DCC: variants seen among roughly 807,000 people sequenced by gnomAD.
DCC encodes netrin receptor DCC.
DCC carries 58 observed loss-of-function variants against 172.5 expected under a neutral mutation model. The ratio of observed to expected loss-of-function variants is 0.34; its 90% CI spans 0.27 to 0.42. DCC has a LOEUF of 0.42. DCC is among the 10% of genes least tolerant of loss of function. The probability of loss-of-function intolerance (pLI) is 1.00; values close to 1 mark genes in which losing one functional copy is unlikely to be tolerated. For synonymous variants in DCC, 709 were observed against 644.5 expected, an observed-to-expected ratio of 1.10 and a Z score of -1.52; for missense variants, 1,740 against 1,791.0, an observed-to-expected ratio of 0.97 and a Z score of 0.51.
At chr18:52,448,209 C>T (rs953784696) in intron 1 of DCC, among the ~76,000 whole-genome samples, 5 of 152,110 alleles carry the variant, frequency 3.3e-5, no homozygotes, top group African/African-American at 7.2e-5. Context: ...TTCGAGGGAT[C>T]GACATTGTGT....
At chr18:52,933,584 A>G (rs543936303) in intron 5 of DCC, among the ~76,000 whole-genome samples, 1 of 152,222 alleles carries the variant, frequency 6.6e-6, no homozygotes, top group Admixed American at 6.6e-5. Context: ...GGGAGAATCC[A>G]TATAGGTCTT....
chr18:52,833,020 C>T (rs149848816), intron 2 of DCC, among the ~76,000 whole-genome samples: 1,593 of 152,176 alleles, frequency 0.01, 18 homozygotes, highest in Non-Finnish European at 0.016. Flanking sequence ...TATATAACCT[C>T]TTGTTTAATA....
rs1191533869 is a variant in DCC, at chr18:53,486,813, C to T, written c.3753C>T (p.Ile1251=). 10 of 1,614,124 alleles carry T rather than the reference C, an allele frequency of 6.2e-6. No homozygotes were observed. The highest frequency in any genetic ancestry group is 8.5e-6 in the Non-Finnish European group (10 of 1,180,026). ...QSNNPAVVSA[I]PVPTLESAQY... The stretch of plus-strand genomic sequence containing the variant: ...CTTTTGCAGCTGTCGTGAGCGCCAT[C>T]CCGGTGCCAACGCTAGAAAGTGCCC... The change falls in exon 26 of 29, where the codon ATC becomes ATT. Residue 1251 remains isoleucine, a synonymous_variant. Coordinates refer to ENST00000442544, the MANE Select transcript of DCC (RefSeq NM_005215.4).
chr18:52,904,664 C>T lies in DCC; in HGVS notation c.413-1380C>T, dbSNP rs1034240392. Among the ~76,000 whole-genome samples, 7 of 152,100 alleles carry T rather than the reference C, an allele frequency of 4.6e-5. No homozygotes were observed. In the East Asian group the frequency reaches 9.6e-4, roughly 21 times the overall value. On this transcript the variant is annotated intron_variant, in intron 2 of 28. Transcript: ENST00000442544. ...TTTCTGGACAAAATTTAAACCTGGA[C>T]CTGGGGAATGTTGACTTAAATCTAT...
intron 2 of DCC, among the ~76,000 whole-genome samples, chr18:52,889,506 A>T (rs1394463062): frequency 6.6e-6 from 1 of 152,144 alleles, no homozygotes; most frequent in African/African-American, 2.4e-5. Context: ...ATGATTTTGG[A>T]CAGATATGTA....
intron 21 of DCC, among the ~76,000 whole-genome samples, chr18:53,427,144 T>C (rs1201848902): frequency 6.6e-6 from 1 of 152,166 alleles, no homozygotes; most frequent in East Asian, 1.9e-4. Context: ...TCATTCTTTA[T>C]GTTGTAGCCT....
intron 24 of DCC, among the ~76,000 whole-genome samples, chr18:53,463,889 T>G (rs2045588145): frequency 6.6e-6 from 1 of 152,242 alleles, no homozygotes; most frequent in Non-Finnish European, 1.5e-5. Context: ...AAAAGAGAAT[T>G]GAATCAAGCA....
chr18:52,955,602 T>G (rs1489906341), intron 5 of DCC, among the ~76,000 whole-genome samples: 1 of 152,076 alleles, frequency 6.6e-6, no homozygotes, highest in Non-Finnish European at 1.5e-5. Flanking sequence ...AGAGTATGTT[T>G]GGTTTTGTAA....
intron 12 of DCC, among the ~76,000 whole-genome samples, chr18:53,272,764 A>G (rs1398761643): frequency 6.6e-6 from 1 of 152,178 alleles, no homozygotes; most frequent in Non-Finnish European, 1.5e-5. Context: ...GGATTGAGGT[A>G]GCAATGTTTA....
At chr18:53,188,245 G>T (rs1345655798) in intron 9 of DCC, among the ~76,000 whole-genome samples, 2 of 152,194 alleles carry the variant, frequency 1.3e-5, no homozygotes, top group African/African-American at 4.8e-5. Flanking sequence ...CAGTGCATTA[G>T]TGAGAGCCCA....
chr18:52,589,453 A>G (rs1003249890), intron 1 of DCC, among the ~76,000 whole-genome samples: 2 of 152,182 alleles, frequency 1.3e-5, no homozygotes, highest in African/African-American at 4.8e-5. Context: ...AAGGCTTTGG[A>G]TATTATCAGG....
At chr18:53,310,334 A>G (rs1051303266) in intron 13 of DCC, among the ~76,000 whole-genome samples, 2 of 152,172 alleles carry the variant, frequency 1.3e-5, no homozygotes, top group African/African-American at 2.4e-5. Context: ...TTTAATGCCT[A>G]TAAGATACAT....
At chr18:53,491,890 G>T (rs950590220) in intron 26 of DCC, among the ~76,000 whole-genome samples, 3 of 152,082 alleles carry the variant, frequency 2.0e-5, no homozygotes, top group African/African-American at 7.2e-5. Flanking sequence ...TTGCCACACT[G>T]TCTTCCACAA....
intron 8 of DCC, among the ~76,000 whole-genome samples, chr18:53,168,352 G>A (rs2054956382): frequency 6.6e-6 from 1 of 151,978 alleles, no homozygotes; most frequent in Non-Finnish European, 1.5e-5. Flanking sequence ...AAGAAAATGT[G>A]GCACATATAC....
intron 12 of DCC, among the ~76,000 whole-genome samples, chr18:53,303,883 AT>A (rs1056218775): frequency 2.0e-5 from 3 of 152,096 alleles, no homozygotes; most frequent in African/African-American, 7.2e-5. Context: ...AAATTGAAGG[AT>A]GGTAAATGTG....
chr18:53,174,802 G>C (rs937730224), intron 8 of DCC, among the ~76,000 whole-genome samples: 2 of 151,656 alleles, frequency 1.3e-5, no homozygotes, highest in African/African-American at 4.8e-5. Context: ...TAGAAAAAGA[G>C]GGAATCCTCC....
chr18:52,485,883 CTA>C (rs1598855419), intron 1 of DCC, among the ~76,000 whole-genome samples: 1 of 151,922 alleles, frequency 6.6e-6, no homozygotes, highest in East Asian at 1.9e-4. Context: ...TGAAAAACAA[CTA>C]TATTTTTAGA....
chr18:52,970,748 A>G (rs1282798822), intron 5 of DCC, among the ~76,000 whole-genome samples: 9 of 152,202 alleles, frequency 5.9e-5, no homozygotes, highest in Non-Finnish European at 1.3e-4. Flanking sequence ...TAGACTAAGC[A>G]TTGGGAGAAT....
intron 1 of DCC, among the ~76,000 whole-genome samples, chr18:52,568,059 A>G (rs1255673830): frequency 6.6e-6 from 1 of 152,150 alleles, no homozygotes; most frequent in African/African-American, 2.4e-5. Flanking sequence ...GGCTAATGAC[A>G]GTTCTTTAAC....
Sources: gnomAD v4.1 joint callset for allele counts (sites outside exome capture counted in the v4.1 genomes callset) on GRCh38, gnomAD v4.1.1 for gene constraint, MANE v1.5 for transcripts, NCBI Gene and HGNC (gene_info 2026-07-23, HGNC 2026-07-21) for gene names.